The following PHLPP1 variants were observed in gnomAD, a reference collection of about 807,000 sequenced individuals.
PHLPP1 encodes the protein PH domain and leucine rich repeat protein phosphatase 1.
Under a neutral mutation model 117.2 loss-of-function variants are expected in PHLPP1, and 42 were observed. The ratio of observed to expected loss-of-function variants is 0.36; its 90% CI spans 0.28 to 0.46. PHLPP1 has a LOEUF of 0.46. PHLPP1 is among the 20% of genes least tolerant of loss of function. The pLI is 1.00. For synonymous variants in PHLPP1, 1,042 were observed against 970.7 expected (o/e 1.07, Z -1.37); for missense variants, 2,084 against 2,241.9 (o/e 0.93, Z 1.42).
Position 62,715,863 on chromosome 18 carries a change from G to A in PHLPP1, c.180G>A (p.Pro60=), listed in dbSNP as rs1212835145. 4.9e-6 allele frequency: 4 copies of A among 814,408 alleles called. No homozygotes were observed. The highest frequency in any genetic ancestry group is 3.8e-5 in the African/African-American group (2 of 53,196). 50.4% of individuals were successfully genotyped at this position (814,408 alleles called of 1,614,324 possible). A position where few individuals can be genotyped will look rare whatever the true frequency, so the allele number is the denominator to read the frequency against. Residue 60 remains proline, a synonymous_variant, in exon 1 of 17, where the codon CCG becomes CCA. Transcript: ENST00000262719. ...AGCCCGCGCTGACCCCGGCGGCCCCGAGCGGCGGGAACGGCAGCGGCAGCG... is the reference window on the plus strand; with the variant it reads ...AGCCCGCGCTGACCCCGGCGGCCCCAAGCGGCGGGAACGGCAGCGGCAGCG... The part of the protein sequence containing the change: ...SPEPALTPAA[P]SGGNGSGSGA...
intron 4 of PHLPP1, among the ~76,000 whole-genome samples, chr18:62,861,185 C>G (rs1172811672): frequency 6.6e-6 from 1 of 152,146 alleles, no homozygotes; most frequent in Admixed American, 6.5e-5. Flanking sequence ...TCTCGGCTCA[C>G]TGCAACCTCC....
chr18:62,853,623 GC>G (rs1334283278), intron 3 of PHLPP1, among the ~76,000 whole-genome samples: 3 of 152,116 alleles, frequency 2.0e-5, no homozygotes. Context: ...GCCCCCCTCG[GC>G]CCCACAAAGT....
At chr18:62,763,939 T>G (rs796506852) in intron 1 of PHLPP1, among the ~76,000 whole-genome samples, 278 of 151,780 alleles carry the variant, frequency 1.8e-3, no homozygotes, top group African/African-American at 6.5e-3. Context: ...GAGGCGGGTG[T>G]ATCACCTGAG....
intron 1 of PHLPP1, among the ~76,000 whole-genome samples, chr18:62,783,034 C>A (rs2144280612): frequency 6.6e-6 from 1 of 150,642 alleles, no homozygotes; most frequent in East Asian, 1.9e-4. Context: ...TTATGAGAAT[C>A]TTTAAATAAT....
Position 62,979,077 on chromosome 18 carries a change from C to G in PHLPP1, c.4800C>G (p.Asn1600Lys). ...ASDEGIVISA[N>K]EDEPGLPRKA... ...ATGAGGGCATTGTCATCAGCGCCAA[C>G]GAGGATGAGCCAGGTCTGCCCAGGA... Residue 1600 changes from asparagine (N) to lysine (K), a missense_variant, in exon 17 of 17, where the codon AAC (asparagine) becomes AAG (lysine). By Grantham distance (94) the Asn-to-Lys change is moderately conservative. Transcript: ENST00000262719. 6.2e-7 allele frequency: 1 copy of G among 1,613,850 alleles called. No homozygotes were observed. Among genetic ancestry groups the G allele is most frequent in the Non-Finnish European group, 8.5e-7 (1 of 1,179,822 alleles).
chr18:62,900,436 T>C (rs1023734957), intron 6 of PHLPP1, among the ~76,000 whole-genome samples: 4 of 96,754 alleles, frequency 4.1e-5, no homozygotes, highest in African/African-American at 1.1e-4. Flanking sequence ...TTTCTTTCTT[T>C]TTTTTTTTTT....
At chr18:62,737,247 T>C (rs894766165) in intron 1 of PHLPP1, among the ~76,000 whole-genome samples, 3 of 151,926 alleles carry the variant, frequency 2.0e-5, no homozygotes, top group African/African-American at 4.8e-5. Context: ...CAGGGCTCGA[T>C]GTGGGTGGGG....
At chr18:62,888,633 G>A (rs1916343246) in intron 4 of PHLPP1, among the ~76,000 whole-genome samples, 1 of 152,164 alleles carries the variant, frequency 6.6e-6, no homozygotes, top group Non-Finnish European at 1.5e-5. Context: ...GGGAAGTCAA[G>A]ACTGCAGTGA....
At chr18:62,786,055 A>G (rs1913274099) in intron 1 of PHLPP1, among the ~76,000 whole-genome samples, 1 of 152,226 alleles carries the variant, frequency 6.6e-6, no homozygotes. Flanking sequence ...AACCAGTGAT[A>G]GCCTCTAGTG....
intron 1 of PHLPP1, among the ~76,000 whole-genome samples, chr18:62,825,911 A>G (rs1914600891): frequency 6.6e-6 from 1 of 152,220 alleles, no homozygotes; most frequent in African/African-American, 2.4e-5. Context: ...GTGAAAGAAG[A>G]GATGAAAAAG....
chr18:62,855,852 G>A (rs1915481744), intron 3 of PHLPP1, among the ~76,000 whole-genome samples: 1 of 152,204 alleles, frequency 6.6e-6, no homozygotes, highest in South Asian at 2.1e-4. Context: ...ACTAGATGCA[G>A]AGGCCGCCTG....
intron 1 of PHLPP1, among the ~76,000 whole-genome samples, chr18:62,766,847 A>G (rs1599035757): frequency 6.6e-6 from 1 of 152,330 alleles, no homozygotes; most frequent in Non-Finnish European, 1.5e-5. Flanking sequence ...AAATCGAGTT[A>G]CCAATCACTA....
chr18:62,753,907 C>G (rs1419824926), intron 1 of PHLPP1, among the ~76,000 whole-genome samples: 1 of 152,140 alleles, frequency 6.6e-6, no homozygotes, highest in East Asian at 1.9e-4. Context: ...GAGATTGAGG[C>G]TATTGCTTTT....
chr18:62,959,559 G>A (rs1910707751), intron 13 of PHLPP1, among the ~76,000 whole-genome samples: 1 of 152,078 alleles, frequency 6.6e-6, no homozygotes, highest in African/African-American at 2.4e-5. Context: ...AAACTTTTCT[G>A]AATTTTCAGA....
intron 11 of PHLPP1, among the ~76,000 whole-genome samples, chr18:62,943,465 T>C (rs1172959694): frequency 6.6e-6 from 1 of 152,170 alleles, no homozygotes; most frequent in Non-Finnish European, 1.5e-5. Context: ...GGGGGCCTGT[T>C]TTCTGTGCTT....
chr18:62,947,136 T>C (rs1910319650), intron 12 of PHLPP1, among the ~76,000 whole-genome samples: 1 of 152,232 alleles, frequency 6.6e-6, no homozygotes, highest in Non-Finnish European at 1.5e-5. Context: ...GGAAGAGCCG[T>C]GCTCTGAAGG....
At position 62,726,967 on chromosome 18, in the gene PHLPP1, C is replaced by A. The variant is rs561181823; in HGVS notation, c.1576+9708C>A. Among the ~76,000 whole-genome samples, 19 of 151,722 alleles carry A rather than the reference C, an allele frequency of 1.3e-4. No homozygotes were observed. In the East Asian group the frequency reaches 3.7e-3, roughly 30 times the overall value. ...GAGAGGCCGGGTGCGGTGGCTCACACCTGTAATCCCAGCACTTTGGGAGGC... is the reference window on the plus strand; with the variant it reads ...GAGAGGCCGGGTGCGGTGGCTCACAACTGTAATCCCAGCACTTTGGGAGGC... On this transcript the variant is annotated intron_variant, in intron 1 of 16. Transcript: ENST00000262719.
At chr18:62,722,384 A>G (rs1457564603) in intron 1 of PHLPP1, among the ~76,000 whole-genome samples, 1 of 152,350 alleles carries the variant, frequency 6.6e-6, no homozygotes, top group African/African-American at 2.4e-5. Context: ...GTGAAAGTCC[A>G]GAGATCCTGA....
In PHLPP1 at chr18:62,863,216, T is replaced by G. The variant is rs577665436; in HGVS notation, c.2066+2615T>G. ...TCTCTTCTTTTCTTTCTTCTTTTCT[T>G]TCTTTCTTTTTTTAGACACTGTTTT... On this transcript the variant is annotated intron_variant, in intron 4 of 16. Coordinates refer to ENST00000262719, the MANE Select transcript of PHLPP1 (RefSeq NM_194449.4). 8.6e-5 allele frequency among the ~76,000 whole-genome samples: 13 copies of G among 152,022 alleles called. No individual in the cohort carries two copies. The South Asian group carries it at 2.5e-3, about 29-fold the overall frequency.
Sources: allele counts gnomAD v4.1 joint callset (sites outside exome capture counted in the v4.1 genomes callset), GRCh38; gene constraint gnomAD v4.1.1; transcripts MANE v1.5; gene names NCBI Gene and HGNC (gene_info 2026-07-23, HGNC 2026-07-21).